RPAP3: variants seen among roughly 807,000 people sequenced by gnomAD.
The protein encoded by RPAP3 is RNA polymerase II associated protein 3.
In RPAP3, 58 loss-of-function variants were observed where a neutral mutation model predicts 88.8. The ratio of observed to expected loss-of-function variants is 0.65; its 90% CI spans 0.53 to 0.81. The LOEUF (loss-of-function observed/expected upper bound fraction) is 0.81, where lower values mean the gene tolerates loss of function less well. Among genes scored for constraint, RPAP3 ranks in the 40% least tolerant of loss-of-function variants. The pLI is 0.00. For synonymous variants in RPAP3, 255 were observed against 259.9 expected (o/e 0.98, Z 0.18); for missense variants, 751 against 764.3 (o/e 0.98, Z 0.20).
At chr12:47,669,366 C>T (rs1020889887) in intron 13 of RPAP3, among the ~76,000 whole-genome samples, 2 of 152,104 alleles carry the variant, frequency 1.3e-5, no homozygotes, top group African/African-American at 2.4e-5. Context: ...TTTGAGTATA[C>T]CATTTCTATA....
chr12:47,669,803 A>T (rs1406861708), intron 13 of RPAP3, among the ~76,000 whole-genome samples: 7 of 152,342 alleles, frequency 4.6e-5, no homozygotes, highest in African/African-American at 1.7e-4. Context: ...TTAAAAAACT[A>T]AAATTTTGCT....
intron 9 of RPAP3, among the ~76,000 whole-genome samples, chr12:47,686,391 C>A (rs2136629346): frequency 1.3e-5 from 2 of 152,178 alleles, no homozygotes; most frequent in South Asian, 4.1e-4. Context: ...TAATCAAGAT[C>A]CAGAATACTA....
chr12:47,669,742 T>C (rs550425232), intron 13 of RPAP3, among the ~76,000 whole-genome samples: 76 of 152,280 alleles, frequency 5.0e-4, no homozygotes, highest in South Asian at 1.7e-3. Context: ...TAAATACTAA[T>C]GGATGAAATA....
chr12:47,680,777 G>T (rs903466266), intron 10 of RPAP3, among the ~76,000 whole-genome samples: 1 of 151,422 alleles, frequency 6.6e-6, no homozygotes, highest in African/African-American at 2.4e-5. Context: ...GAATTAAAAT[G>T]GTATCAGATC....
At chr12:47,689,318 C>G (rs1939384815) in intron 6 of RPAP3, 123 bp from the exon 7 acceptor site, 3 of 520,322 alleles carry the variant, frequency 5.8e-6, no homozygotes, top group Non-Finnish European at 1.0e-5. Flanking sequence ...AAAGGAGAAA[C>G]AAAGAAATAC....
chr12:47,702,125 G>A (rs1939665123), intron 2 of RPAP3, among the ~76,000 whole-genome samples: 1 of 152,124 alleles, frequency 6.6e-6, no homozygotes, highest in African/African-American at 2.4e-5. Context: ...ATTTTATGAT[G>A]CTAGTCATTT....
chr12:47,695,615 GAAT>G (rs907432478), intron 5 of RPAP3, among the ~76,000 whole-genome samples: 3 of 151,874 alleles, frequency 2.0e-5, no homozygotes, highest in Non-Finnish European at 2.9e-5. Flanking sequence ...TGCAGATATC[GAAT>G]ATTATAAAAT....
chr12:47,675,177 C>G (rs1244440798), intron 12 of RPAP3, among the ~76,000 whole-genome samples: 4 of 152,122 alleles, frequency 2.6e-5, no homozygotes, highest in African/African-American at 7.2e-5. Flanking sequence ...AAATAAAATC[C>G]TTTACAGACA....
intron 1 of RPAP3, among the ~76,000 whole-genome samples, chr12:47,705,003 G>A (rs542440326): frequency 6.6e-6 from 1 of 151,974 alleles, no homozygotes; most frequent in Non-Finnish European, 1.5e-5. Context: ...GGAGGGGGGG[G>A]AATGAAATGA....
In RPAP3 at chr12:47,661,307, T is replaced by C. The variant is rs572174265; in HGVS notation, c.*2198A>G. ...ATGCTATTTTGCAATAAGGCAACAA[T>C]ATGACAGCCCCTAAAGACTGTTCTT... On this transcript the variant is annotated 3_prime_UTR_variant, in exon 17 of 17. Coordinates refer to ENST00000005386, the MANE Select transcript of RPAP3 (RefSeq NM_024604.3). The C allele has an allele frequency of 9.2e-5, 14 of 152,256 alleles. No individual in the cohort carries two copies. Among genetic ancestry groups the C allele is most frequent in the Non-Finnish European group, 1.8e-4 (12 of 68,008 alleles). 9.4% of individuals were successfully genotyped at this position (152,256 alleles called of 1,614,324 possible). A position where few individuals can be genotyped will look rare whatever the true frequency, so the allele number is the denominator to read the frequency against.
At chr12:47,678,784 C>T (rs1939166076) in intron 12 of RPAP3, among the ~76,000 whole-genome samples, 2 of 152,186 alleles carry the variant, frequency 1.3e-5, no homozygotes, top group Admixed American at 6.5e-5. Context: ...AATAGGAACG[C>T]TTTTACACTG....
chr12:47,700,946 G>A (rs1462515557), intron 3 of RPAP3, among the ~76,000 whole-genome samples: 9 of 152,190 alleles, frequency 5.9e-5, no homozygotes, highest in African/African-American at 1.7e-4. Context: ...GTTAGAGAAG[G>A]TGGCGTAGAG....
intron 9 of RPAP3, among the ~76,000 whole-genome samples, chr12:47,685,501 C>T (rs1939305818): frequency 6.6e-6 from 1 of 152,032 alleles, no homozygotes; most frequent in Non-Finnish European, 1.5e-5. Context: ...TGCTTATTTG[C>T]ATGTGATTGC....
chr12:47,694,052 G>A (rs1939476975), intron 5 of RPAP3, among the ~76,000 whole-genome samples: 2 of 152,238 alleles, frequency 1.3e-5, no homozygotes, highest in South Asian at 4.1e-4. Flanking sequence ...ATCCCAACAG[G>A]ATATTTTAAC....
At chr12:47,690,101 C>T (rs1939401432) in intron 6 of RPAP3, among the ~76,000 whole-genome samples, 1 of 150,632 alleles carries the variant, frequency 6.6e-6, no homozygotes. Flanking sequence ...TAAATATCAG[C>T]TTTATTCAGA....
In RPAP3 at chr12:47,681,724, A is replaced by T; in HGVS notation, c.1086T>A (p.Phe362Leu). ...AFARRGTARTFLGKLNEAKQD... is the reference protein window; with the variant it reads ...AFARRGTARTLLGKLNEAKQD... The stretch of plus-strand genomic sequence containing the variant: ...GTTTTGCCTCATTTAGCTTTCCCAA[A>T]AATGTTCTTGCAGTTCCTCTTCTGG... Residue 362 changes from phenylalanine to leucine, a missense_variant, in exon 10 of 17, where the codon TTT (phenylalanine) becomes TTA (leucine). Phe to Leu is a conservative substitution (Grantham distance 22, BLOSUM62 0). Transcript: ENST00000005386. 1.2e-6 allele frequency: 2 copies of T among 1,612,596 alleles called. No homozygotes were observed. The highest frequency in any genetic ancestry group is 1.7e-6 in the Non-Finnish European group (2 of 1,179,336).
chr12:47,704,341 A>G (rs1262058657), intron 1 of RPAP3, among the ~76,000 whole-genome samples: 1 of 152,188 alleles, frequency 6.6e-6, no homozygotes, highest in Non-Finnish European at 1.5e-5. Context: ...AAAGTGCATT[A>G]TATTTAGTCA....
rs1455044756 is a variant in RPAP3 at position 47,663,595 on chromosome 12, A to G, written c.1913-5T>C. 5 of 1,486,362 alleles carry G rather than the reference A, an allele frequency of 3.4e-6. No homozygotes were observed. The highest frequency in any genetic ancestry group is 4.5e-6 in the Non-Finnish European group (5 of 1,099,426). The allele number at this position is 1,486,362 out of a possible 1,614,324, so 92.1% of individuals were successfully genotyped here. Reference sequence around the variant, plus strand: ...GATTAAATAATGCACGTGCAACTGAAAAAGAAAAAGAAATTCTCCATTTTA... The same window carrying G: ...GATTAAATAATGCACGTGCAACTGAGAAAGAAAAAGAAATTCTCCATTTTA... On this transcript the variant is annotated splice_polypyrimidine_tract_variant and splice_region_variant and intron_variant, in intron 16 of 16. Coordinates refer to ENST00000005386, the MANE Select transcript of RPAP3 (RefSeq NM_024604.3).
intron 12 of RPAP3, among the ~76,000 whole-genome samples, chr12:47,674,562 T>A (rs73300653): frequency 0.043 from 6,531 of 152,234 alleles, 463 homozygotes; most frequent in African/African-American, 0.14. Flanking sequence ...AAATGACTGA[T>A]GGAACTGAAA....
Sources: allele counts gnomAD v4.1 joint callset (sites outside exome capture counted in the v4.1 genomes callset), GRCh38; gene constraint gnomAD v4.1.1; transcripts MANE v1.5; gene names NCBI Gene and HGNC (gene_info 2026-07-23, HGNC 2026-07-21).